NKAIN2: variants seen among roughly 807,000 people sequenced by gnomAD.
NKAIN2 encodes sodium/potassium-transporting ATPase subunit beta-1-interacting protein 2.
Under a neutral mutation model 32.6 loss-of-function variants are expected in NKAIN2, and 14 were observed. The observed-to-expected ratio is 0.43, with a 90% CI of 0.28 to 0.67. The LOEUF is 0.67. NKAIN2 is among the 30% of genes least tolerant of loss of function. The pLI, the probability that NKAIN2 is intolerant of heterozygous loss-of-function variation, is 0.17. For synonymous variants in NKAIN2, 80 were observed against 87.2 expected, an observed-to-expected ratio of 0.92 and a Z score of 0.46; for missense variants, 198 against 258.3, an observed-to-expected ratio of 0.77 and a Z score of 1.60.
At chr6:124,006,550 T>C (rs548321748) in intron 1 of NKAIN2, among the ~76,000 whole-genome samples, 17 of 152,320 alleles carry the variant, frequency 1.1e-4, no homozygotes, top group African/African-American at 4.1e-4. Context: ...GCAAAATGAC[T>C]ACATGAGAAC....
chr6:124,670,617 A>G (rs1773048225), intron 4 of NKAIN2, among the ~76,000 whole-genome samples: 1 of 150,070 alleles, frequency 6.7e-6, no homozygotes, highest in Admixed American at 6.7e-5. Flanking sequence ...ATCTGCAAGA[A>G]CATTTACCTG....
At chr6:124,633,040 T>G (rs775716864) in intron 3 of NKAIN2, among the ~76,000 whole-genome samples, 1 of 152,206 alleles carries the variant, frequency 6.6e-6, no homozygotes, top group Non-Finnish European at 1.5e-5. Flanking sequence ...ATGTGAATTA[T>G]GTGCCCACCA....
intron 3 of NKAIN2, among the ~76,000 whole-genome samples, chr6:124,357,696 A>G (rs1799051739): frequency 6.6e-6 from 1 of 152,190 alleles, no homozygotes; most frequent in South Asian, 2.1e-4. Context: ...ATGGCTTCAT[A>G]ATGGATATTG....
At chr6:124,552,465 T>A (rs1780325160) in intron 3 of NKAIN2, among the ~76,000 whole-genome samples, 2 of 152,210 alleles carry the variant, frequency 1.3e-5, no homozygotes. Context: ...CTCTGACCGT[T>A]TCTTTCGCCA....
At chr6:124,431,905 G>A (rs1233095909) in intron 3 of NKAIN2, among the ~76,000 whole-genome samples, 2 of 152,096 alleles carry the variant, frequency 1.3e-5, no homozygotes, top group African/African-American at 4.8e-5. Context: ...GGAAAAAATA[G>A]TTATTTCACA....
At chr6:123,923,113 C>T (rs1260559543) in intron 1 of NKAIN2, among the ~76,000 whole-genome samples, 1 of 143,182 alleles carries the variant, frequency 7.0e-6, no homozygotes, top group African/African-American at 2.5e-5. Flanking sequence ...TAGAGTTTTT[C>T]AAGGGATTAC....
At chr6:124,579,878 C>G (rs1014033496) in intron 3 of NKAIN2, among the ~76,000 whole-genome samples, 1 of 152,200 alleles carries the variant, frequency 6.6e-6, no homozygotes, top group Non-Finnish European at 1.5e-5. Context: ...ATACATCTGG[C>G]AGCAGGTTTT....
chr6:124,178,294 A>G (rs1212378122), intron 1 of NKAIN2, among the ~76,000 whole-genome samples: 2 of 117,590 alleles, frequency 1.7e-5, no homozygotes, highest in African/African-American at 2.8e-5. Flanking sequence ...TTAGACGTAC[A>G]TTAACTTTTT....
intron 3 of NKAIN2, among the ~76,000 whole-genome samples, chr6:124,473,300 T>C (rs2114677989): frequency 6.6e-6 from 1 of 152,282 alleles, no homozygotes; most frequent in Admixed American, 6.5e-5. Flanking sequence ...GAAGGTGAGG[T>C]GGCCAGGCTT....
At chr6:124,011,676 G>A (rs1780335400) in intron 1 of NKAIN2, among the ~76,000 whole-genome samples, 1 of 152,024 alleles carries the variant, frequency 6.6e-6, no homozygotes, top group African/African-American at 2.4e-5. Flanking sequence ...ATACGTTATG[G>A]CTATATTTCA....
At chr6:124,163,343 GA>G (rs1788371462) in intron 1 of NKAIN2, among the ~76,000 whole-genome samples, 1 of 151,900 alleles carries the variant, frequency 6.6e-6, no homozygotes, top group Non-Finnish European at 1.5e-5. Flanking sequence ...ATGCCCATAA[GA>G]AATGGAATGA....
chr6:124,622,931 G>A (rs1251746208), intron 3 of NKAIN2, among the ~76,000 whole-genome samples: 1 of 152,068 alleles, frequency 6.6e-6, no homozygotes. Context: ...GGGTGTGGTG[G>A]ACCAAAAGGC....
intron 1 of NKAIN2, among the ~76,000 whole-genome samples, chr6:124,029,546 G>C (rs1781311183): frequency 6.6e-6 from 1 of 152,156 alleles, no homozygotes; most frequent in Admixed American, 6.5e-5. Flanking sequence ...GGTACCTACT[G>C]TGTGCCAGCC....
rs551207570 is a variant in NKAIN2, at chr6:123,912,714, G to A, written c.54+108460G>A. On this transcript the variant is annotated intron_variant, in intron 1 of 6. Transcript: ENST00000368417. The stretch of plus-strand genomic sequence containing the variant: ...GTTAGTGGAAGCTTAGCTTCCTGAG[G>A]CCCTCACCAGAAGTAGATGCTGGCA... 2.4e-3 allele frequency among the ~76,000 whole-genome samples: 358 copies of A among 152,202 alleles called. 2 individuals are homozygous for A. The highest frequency in any genetic ancestry group is 7.8e-4 in the Non-Finnish European group (53 of 68,008).
At chr6:124,323,445 C>T (rs1248158741) in intron 2 of NKAIN2, among the ~76,000 whole-genome samples, 2 of 152,140 alleles carry the variant, frequency 1.3e-5, no homozygotes, top group Admixed American at 6.6e-5. Context: ...ATTTAAATCT[C>T]ATCCATTTTG....
At chr6:124,683,274 C>T (rs1773707396) in intron 4 of NKAIN2, among the ~76,000 whole-genome samples, 3 of 152,232 alleles carry the variant, frequency 2.0e-5, no homozygotes, top group Non-Finnish European at 4.4e-5. Flanking sequence ...CAGAAAATTC[C>T]GTTCCTGTGG....
chr6:124,717,808 G>A (rs1293587461), intron 4 of NKAIN2, among the ~76,000 whole-genome samples: 2 of 152,040 alleles, frequency 1.3e-5, no homozygotes, highest in Non-Finnish European at 2.9e-5. Context: ...AAGCTTGAAA[G>A]TTTAGCCCAC....
In NKAIN2 at chr6:124,467,776, T is replaced by G. The variant is rs1217635835; in HGVS notation, c.273+112429T>G. On this transcript the variant is annotated intron_variant, in intron 3 of 6. Transcript: ENST00000368417. ...ATCAAAAGGATAATGATTATAATAT[T>G]TCATGTTTTATTCATTTTTAAAGAA... Among the ~76,000 whole-genome samples the G allele has an allele frequency of 3.3e-5, 5 of 152,102 alleles. No individual in the cohort carries two copies. The East Asian group carries it at 7.7e-4, about 23-fold the overall frequency.
At chr6:124,235,168 G>A (rs1246004680) in intron 1 of NKAIN2, among the ~76,000 whole-genome samples, 1 of 152,146 alleles carries the variant, frequency 6.6e-6, no homozygotes, top group Non-Finnish European at 1.5e-5. Context: ...AGATCTTGAA[G>A]GTCAAAACCA....
Sources: allele counts gnomAD v4.1 joint callset (sites outside exome capture counted in the v4.1 genomes callset), GRCh38; gene constraint gnomAD v4.1.1; transcripts MANE v1.5; gene names NCBI Gene and HGNC (gene_info 2026-07-23, HGNC 2026-07-21).